SYN2: variants seen among roughly 807,000 people sequenced by gnomAD.
The protein encoded by SYN2 is synapsin II.
Under a neutral mutation model 50.9 loss-of-function variants are expected in SYN2, and 19 were observed. That is an observed-to-expected ratio of 0.37 (90% CI 0.26 to 0.55). The LOEUF is 0.55. Among genes scored for constraint, SYN2 ranks in the 20% least tolerant of loss-of-function variants. The pLI is 0.81. For synonymous variants in SYN2, 255 were observed against 224.9 expected, an observed-to-expected ratio of 1.13 and a Z score of -1.20; for missense variants, 587 against 576.4, an observed-to-expected ratio of 1.02 and a Z score of -0.19.
chr3:12,084,746 T>C (rs1436000072), intron 1 of SYN2, among the ~76,000 whole-genome samples: 2 of 152,314 alleles, frequency 1.3e-5, no homozygotes, highest in East Asian at 3.9e-4. Flanking sequence ...TTAGATGTGA[T>C]ACCAAACACA....
chr3:12,044,976 G>A (rs1225898721), intron 1 of SYN2, among the ~76,000 whole-genome samples: 9 of 152,138 alleles, frequency 5.9e-5, no homozygotes. Flanking sequence ...GATTAGAGAG[G>A]TTGGGAAATA....
At chr3:12,180,359 C>A (rs1698195129) in intron 10 of SYN2, among the ~76,000 whole-genome samples, 3 of 152,222 alleles carry the variant, frequency 2.0e-5, no homozygotes, top group Non-Finnish European at 2.9e-5. Flanking sequence ...AATCCAACTT[C>A]CTGAGGAAAG....
intron 4 of SYN2, among the ~76,000 whole-genome samples, chr3:12,146,169 C>T (rs1697146793): frequency 6.6e-6 from 1 of 152,336 alleles, no homozygotes; most frequent in South Asian, 2.1e-4. Context: ...TAGGCTCTGC[C>T]CTTGGCCATA....
chr3:12,122,619 A>T (rs1355200917), intron 1 of SYN2, among the ~76,000 whole-genome samples: 1 of 152,178 alleles, frequency 6.6e-6, no homozygotes, highest in Admixed American at 6.6e-5. Context: ...ATCTCAGCCT[A>T]TGTGCTGGAC....
At chr3:12,100,715 A>G (rs1461845055) in intron 1 of SYN2, among the ~76,000 whole-genome samples, 2 of 152,210 alleles carry the variant, frequency 1.3e-5, no homozygotes, top group East Asian at 1.9e-4. Context: ...TTTGCAAATC[A>G]TATATCTGAT....
chr3:12,058,204 G>A (rs1695037073), intron 1 of SYN2, among the ~76,000 whole-genome samples: 1 of 152,164 alleles, frequency 6.6e-6, no homozygotes, highest in Non-Finnish European at 1.5e-5. Flanking sequence ...GATTTCTGAT[G>A]TAAGTTGATT....
At chr3:12,087,679 G>A (rs916003678) in intron 1 of SYN2, among the ~76,000 whole-genome samples, 1 of 152,068 alleles carries the variant, frequency 6.6e-6, no homozygotes, top group Non-Finnish European at 1.5e-5. Flanking sequence ...CTTGAGCCCA[G>A]GAGGTTGAGG....
rs558397220 is a variant in SYN2 at position 12,135,421 on chromosome 3, G to C, written c.378-5230G>C. Reference sequence around the variant, plus strand: ...GCTAGAAACTAGCACCTTGTTAAAGGTAAATGTCTAGACCAGTGCTAGATA... The same window carrying C: ...GCTAGAAACTAGCACCTTGTTAAAGCTAAATGTCTAGACCAGTGCTAGATA... On this transcript the variant is annotated intron_variant, in intron 1 of 12. Transcript: ENST00000621198. 2.0e-5 allele frequency among the ~76,000 whole-genome samples: 3 copies of C among 152,330 alleles called. No homozygotes were observed. The East Asian group carries it at 5.8e-4, about 29-fold the overall frequency.
At chr3:12,095,647 A>G (rs1039916755) in intron 1 of SYN2, among the ~76,000 whole-genome samples, 1 of 142,656 alleles carries the variant, frequency 7.0e-6, no homozygotes, top group Non-Finnish European at 1.5e-5. Flanking sequence ...TGTCGCCATC[A>G]TTCAACAAAG....
At chr3:12,077,398 G>A (rs1162091003) in intron 1 of SYN2, among the ~76,000 whole-genome samples, 2 of 151,934 alleles carry the variant, frequency 1.3e-5, no homozygotes. Context: ...ATGGTAGTTT[G>A]CCGCACCTAT....
intron 1 of SYN2, among the ~76,000 whole-genome samples, chr3:12,134,409 T>C (rs1696853559): frequency 6.6e-6 from 1 of 152,250 alleles, no homozygotes; most frequent in Non-Finnish European, 1.5e-5. Flanking sequence ...TGGTCTTCAC[T>C]GTTCAGCCAG....
intron 1 of SYN2, among the ~76,000 whole-genome samples, chr3:12,065,939 C>T (rs1433038144): frequency 1.3e-5 from 2 of 152,140 alleles, no homozygotes; most frequent in Admixed American, 1.3e-4. Flanking sequence ...GAATAGGCAA[C>T]TCTGTAGAGA....
intron 1 of SYN2, among the ~76,000 whole-genome samples, chr3:12,109,409 A>C (rs537987185): frequency 1.3e-5 from 2 of 152,342 alleles, no homozygotes; most frequent in East Asian, 3.9e-4. Context: ...GCATTCATCC[A>C]GCTGGTTAGA....
intron 1 of SYN2, among the ~76,000 whole-genome samples, chr3:12,042,018 T>G (rs1418903893): frequency 1.3e-5 from 2 of 152,222 alleles, no homozygotes; most frequent in African/African-American, 4.8e-5. Context: ...TCTGCCAACA[T>G]ATATAGTAGT....
intron 1 of SYN2, among the ~76,000 whole-genome samples, chr3:12,056,390 C>T (rs1029103003): frequency 1.3e-5 from 2 of 149,694 alleles, no homozygotes; most frequent in African/African-American, 2.4e-5. Context: ...TGCCTTATAA[C>T]AACTCATTAA....
At chr3:12,005,412 A>G (rs74990785) in intron 1 of SYN2, among the ~76,000 whole-genome samples, 7,324 of 151,974 alleles carry the variant, frequency 0.048, 247 homozygotes, top group East Asian at 0.14. Context: ...GTTTTTTTTA[A>G]CCAGGACCCA....
chr3:12,134,249 A>G (rs1205115551), intron 1 of SYN2, among the ~76,000 whole-genome samples: 2 of 152,244 alleles, frequency 1.3e-5, no homozygotes, highest in Admixed American at 6.5e-5. Flanking sequence ...GTAATAGATG[A>G]AAAAGATTGG....
intron 1 of SYN2, among the ~76,000 whole-genome samples, chr3:12,047,530 T>C (rs565897970): frequency 2.6e-5 from 4 of 152,286 alleles, no homozygotes; most frequent in African/African-American, 9.6e-5. Context: ...TGTTGTGTTA[T>C]TTCTTTCTGG....
At chr3:12,038,121 G>A (rs944889360) in intron 1 of SYN2, among the ~76,000 whole-genome samples, 1 of 152,014 alleles carries the variant, frequency 6.6e-6, no homozygotes, top group Non-Finnish European at 1.5e-5. Flanking sequence ...CTTAGCATGT[G>A]GATACCTATT....
Sources: allele counts gnomAD v4.1 joint callset (sites outside exome capture counted in the v4.1 genomes callset), GRCh38; gene constraint gnomAD v4.1.1; transcripts MANE v1.5; gene names NCBI Gene and HGNC (gene_info 2026-07-23, HGNC 2026-07-21).